Variants in MRE11 observed in about 807,000 individuals in gnomAD.
The protein encoded by MRE11 is MRE11 double strand break repair nuclease, also known as double-strand break repair protein MRE11.
Under a neutral mutation model 91.7 loss-of-function variants are expected in MRE11, and 62 were observed. That is an observed-to-expected ratio of 0.68 (90% CI 0.55 to 0.84). MRE11 has a LOEUF of 0.84. Ranked by LOEUF, MRE11 falls within the 40% of genes least tolerant of loss-of-function variation. MRE11 has a pLI of 0.00. For synonymous variants in MRE11, 273 were observed against 271.4 expected (o/e 1.01, Z -0.06); for missense variants, 796 against 852.9 (o/e 0.93, Z 0.83).
At chr11:94,492,559 C>T (rs1947311742) in intron 2 of MRE11, 3 of 750,224 alleles carry the variant, frequency 4.0e-6, no homozygotes, top group South Asian at 1.7e-5. Flanking sequence ...ATCAATATAT[C>T]AAATTACTGC....
intron 16 of MRE11, among the ~76,000 whole-genome samples, chr11:94,443,047 G>GT (rs1305503122): frequency 1.3e-5 from 2 of 152,158 alleles, no homozygotes; most frequent in African/African-American, 4.8e-5. Context: ...GGAATTTTTT[G>GT]TAAGGTTTAA....
chr11:94,466,615 T>A (rs779158683), intron 10 of MRE11: 1 of 393,872 alleles, frequency 2.5e-6, no homozygotes, highest in Non-Finnish European at 5.4e-6. Context: ...TTGCTCAAGG[T>A]CATACAACTA....
At chr11:94,479,538 T>C in intron 5 of MRE11, 136 bp downstream of exon 5, 1 of 725,508 alleles carries the variant, frequency 1.4e-6, no homozygotes, top group Non-Finnish European at 2.4e-6. Flanking sequence ...TAAAAGCTTG[T>C]ATGAATGTGA....
At chr11:94,507,918 C>A in the MRE11 span, among the ~76,000 whole-genome samples, 1 of 151,936 alleles carries the variant, frequency 6.6e-6, no homozygotes, top group Non-Finnish European at 1.5e-5. Context: ...CTGTGGCTTG[C>A]CTTTTCACAC....
At chr11:94,498,767 A>G (rs1358426755), upstream of MRE11, 1 of 534,002 alleles carries the variant, frequency 1.9e-6, no homozygotes, top group African/African-American at 1.9e-5. Flanking sequence ...AATAATTTTA[A>G]TGTGTGTATA....
intron 19 of MRE11, among the ~76,000 whole-genome samples, chr11:94,422,716 CTA>C (rs1472591423): frequency 2.0e-5 from 3 of 151,950 alleles, no homozygotes; most frequent in African/African-American, 7.3e-5. Context: ...ATCAATGAAA[CTA>C]TTTTTTTTTT....
intron 11 of MRE11, 98 bp from the exon 12 acceptor site, chr11:94,461,134 T>A (rs1041646717): frequency 4.1e-6 from 4 of 987,632 alleles, no homozygotes; most frequent in Non-Finnish European, 6.1e-6. Context: ...AGGCCAAACT[T>A]TAGCAACTGC....
At chr11:94,488,509 T>A (rs1947199555) in intron 3 of MRE11, among the ~76,000 whole-genome samples, 1 of 152,166 alleles carries the variant, frequency 6.6e-6, no homozygotes, top group African/African-American at 2.4e-5. Flanking sequence ...ACACATATGT[T>A]CACTGCAGTA....
At position 94,456,257 on chromosome 11, in the gene MRE11, T is replaced by C. The variant is rs756817588; in HGVS notation, c.1563+19A>G. ...AGAAAGTGATATATAAACACAAGAA[T>C]TTGCAGCAGAATAATTACCTCACGG... On this transcript the variant is annotated intron_variant, in intron 14 of 19. Transcript: ENST00000323929. The C allele has an allele frequency of 3.4e-5, 55 of 1,610,636 alleles. No homozygotes were observed. Among genetic ancestry groups the C allele is most frequent in the South Asian group, 8.8e-5 (8 of 91,008 alleles).
Position 94,478,983 on chromosome 11 carries a change from C to G in MRE11, c.403-107G>C, listed in dbSNP as rs13447612. On this transcript the variant is annotated intron_variant, in intron 5 of 19. Transcript: ENST00000323929. The stretch of plus-strand genomic sequence containing the variant: ...ATACTCCATATTCTACTTACAAAAA[C>G]ATAGATGAGGATAGTGTCTTCTCAA... The G allele has an allele frequency of 1.4e-5, 17 of 1,246,292 alleles. No homozygotes were observed. The African/African-American group carries it at 1.9e-4, about 14-fold the overall frequency. The allele number at this position is 1,246,292 out of a possible 1,614,324, so 77.2% of individuals were successfully genotyped here.
At chr11:94,479,866 T>C in intron 4 of MRE11, 105 bp from the exon 5 acceptor site, 2 of 803,016 alleles carry the variant, frequency 2.5e-6, no homozygotes, top group African/African-American at 1.7e-5. Flanking sequence ...CTGCATAATC[T>C]ACATTGGCAT....
At position 94,477,680 on chromosome 11, in the gene MRE11, T is replaced by C. The variant is rs573354713; in HGVS notation, c.544+1055A>G. On this transcript the variant is annotated intron_variant, in intron 6 of 19. Transcript: ENST00000323929. ...TCAAGGCACACAAAGCCCAAGGCAT[T>C]AGAAGATTAATCTACTTGAGTGTTG... 8.5e-5 allele frequency among the ~76,000 whole-genome samples: 13 copies of C among 152,336 alleles called. 1 individual carries two copies. The South Asian group carries it at 2.7e-3, about 32-fold the overall frequency.
chr11:94,484,537 C>T (rs192721756), intron 4 of MRE11, among the ~76,000 whole-genome samples: 328 of 152,262 alleles, frequency 2.2e-3, no homozygotes, highest in African/African-American at 7.4e-3. Flanking sequence ...AAGCTGGACT[C>T]AGAGACTCAA....
intron 14 of MRE11, among the ~76,000 whole-genome samples, chr11:94,449,057 A>T (rs768127451): frequency 3.3e-5 from 5 of 152,220 alleles, no homozygotes; most frequent in African/African-American, 4.8e-5. Flanking sequence ...ACATGATAAC[A>T]GTCTCTCTTG....
chr11:94,437,347 T>C, intron 16 of MRE11, 112 bp from the exon 17 acceptor site: 1 of 876,092 alleles, frequency 1.1e-6, no homozygotes, highest in South Asian at 1.6e-5. Context: ...AACTGAATGA[T>C]GCCTAATTAT....
rs1565233979 is a variant in MRE11 at position 94,478,856 on chromosome 11, C to CA, written c.422dup (p.Leu141PhefsTer25). On this transcript the variant is annotated frameshift_variant, in exon 6 of 20. Coordinates refer to ENST00000323929, the MANE Select transcript of MRE11 (RefSeq NM_005591.4). LOFTEE classifies it high-confidence loss of function. ...CAAATCCAGCACAACTTAAAATGTC[C>CA]AAGGCACAAAGTGCATCTGCCTATG... The CA allele has an allele frequency of 1.2e-6, 2 of 1,613,716 alleles. No homozygotes were observed. The highest frequency in any genetic ancestry group is 3.3e-5 in the Admixed American group (2 of 60,014).
At chr11:94,476,657 C>T (rs1946867487) in intron 6 of MRE11, among the ~76,000 whole-genome samples, 1 of 151,960 alleles carries the variant, frequency 6.6e-6, no homozygotes, top group Non-Finnish European at 1.5e-5. Context: ...CCTCTCGCCT[C>T]AGCCTCCCAA....
At chr11:94,479,871 T>G in intron 4 of MRE11, 110 bp from the exon 5 acceptor site, 1 of 785,486 alleles carries the variant, frequency 1.3e-6, no homozygotes, top group Non-Finnish European at 2.2e-6. Context: ...TAATCTACAT[T>G]GGCATATGAC....
At chr11:94,445,500 G>A (rs1031294781) in intron 16 of MRE11, among the ~76,000 whole-genome samples, 1 of 152,160 alleles carries the variant, frequency 6.6e-6, no homozygotes, top group Non-Finnish European at 1.5e-5. Context: ...AGTAGAGACC[G>A]GGTTTCACCA....
Sources: allele counts gnomAD v4.1 joint callset (sites outside exome capture counted in the v4.1 genomes callset), GRCh38; gene constraint gnomAD v4.1.1; transcripts MANE v1.5; gene names NCBI Gene and HGNC (gene_info 2026-07-23, HGNC 2026-07-21).